Variants in RAB38 observed in about 807,000 individuals in gnomAD.
RAB38 encodes the protein RAB38, member RAS oncogene family.
In RAB38, 15 loss-of-function variants were observed where a neutral mutation model predicts 18.4. That is an observed-to-expected ratio of 0.82 (90% CI 0.55 to 1.26). RAB38 has a LOEUF of 1.26. Among genes scored for constraint, RAB38 ranks in the 50% most tolerant of loss-of-function variants. RAB38 has a pLI of 0.00. For missense variants in RAB38, 294 were observed against 267.4 expected (o/e 1.10, Z -0.69); for synonymous variants, 101 against 104.4 (o/e 0.97, Z 0.20).
chr11:88,140,536 G>A (rs566831608), intron 2 of RAB38, among the ~76,000 whole-genome samples: 2 of 152,276 alleles, frequency 1.3e-5, no homozygotes, highest in Non-Finnish European at 2.9e-5. Context: ...TGCAGTGCAG[G>A]GACCAGCCCC....
At chr11:88,147,451 C>A (rs72960964) in intron 2 of RAB38, among the ~76,000 whole-genome samples, 8,046 of 151,894 alleles carry the variant, frequency 0.053, 295 homozygotes, top group East Asian at 0.18. Context: ...GGCTTCTGAG[C>A]TGAGAGTGAC....
chr11:88,100,764 A>C, the RAB38 span, among the ~76,000 whole-genome samples: 2 of 152,008 alleles, frequency 1.3e-5, no homozygotes, highest in African/African-American at 4.8e-5. Flanking sequence ...ACTGCAAGAC[A>C]CAAAGACTTG....
At chr11:87,968,773 A>G in the RAB38 span, among the ~76,000 whole-genome samples, 6 of 152,126 alleles carry the variant, frequency 3.9e-5, no homozygotes, top group African/African-American at 1.4e-4. Flanking sequence ...AAGAGTTGAT[A>G]TTTTGAGCAG....
chr11:87,861,904 A>G, the RAB38 span, among the ~76,000 whole-genome samples: 1 of 151,936 alleles, frequency 6.6e-6, no homozygotes, highest in African/African-American at 2.4e-5. Context: ...CCCTCATCAT[A>G]TGAAAACAAG....
At chr11:88,016,921 G>T in the RAB38 span, among the ~76,000 whole-genome samples, 4 of 152,118 alleles carry the variant, frequency 2.6e-5, no homozygotes, top group Admixed American at 2.0e-4. Flanking sequence ...TGCCTTCAAA[G>T]AACCCACAGC....
the RAB38 span, among the ~76,000 whole-genome samples, chr11:88,095,882 G>A: frequency 6.6e-6 from 1 of 151,780 alleles, no homozygotes; most frequent in Non-Finnish European, 1.5e-5. Flanking sequence ...AATCTATCAG[G>A]AAATCGCTTT....
the RAB38 span, among the ~76,000 whole-genome samples, chr11:88,048,500 G>A: frequency 6.6e-6 from 1 of 151,996 alleles, no homozygotes; most frequent in Non-Finnish European, 1.5e-5. Flanking sequence ...ACTTAAAAAG[G>A]ACTGGACAGT....
the RAB38 span, among the ~76,000 whole-genome samples, chr11:87,831,215 T>G: frequency 7.2e-5 from 11 of 152,302 alleles, no homozygotes; most frequent in Non-Finnish European, 1.2e-4. Context: ...TGCTTAATTT[T>G]TTAGATGGCT....
chr11:88,134,366 G>C (rs1335212113), intron 2 of RAB38, among the ~76,000 whole-genome samples: 1 of 152,092 alleles, frequency 6.6e-6, no homozygotes, highest in Non-Finnish European at 1.5e-5. Flanking sequence ...TCAGCCTCCT[G>C]AGTAGCGGGG....
chr11:88,132,156 A>C (rs1942773777), intron 2 of RAB38, among the ~76,000 whole-genome samples: 1 of 152,220 alleles, frequency 6.6e-6, no homozygotes, highest in South Asian at 2.1e-4. Context: ...TGACCCATGG[A>C]AACTGTGAAA....
rs1330214731 is a variant in RAB38, at chr11:88,116,244, C to G, written c.484-2104G>C. On this transcript the variant is annotated intron_variant, in intron 2 of 2. Transcript: ENST00000243662. ...ACTGAGTGGAAGCCTGTCCGATGGT[C>G]CCCTACTGTGTCCCATTCAGGAAGG... Among the ~76,000 whole-genome samples the G allele has an allele frequency of 3.9e-5, 6 of 152,178 alleles. No individual in the cohort carries two copies. The East Asian group carries it at 5.8e-4, about 15-fold the overall frequency.
the RAB38 span, among the ~76,000 whole-genome samples, chr11:87,894,776 C>T: frequency 1.3e-5 from 2 of 149,516 alleles, no homozygotes; most frequent in Non-Finnish European, 3.0e-5. Flanking sequence ...TATATATGTA[C>T]ACATTATATA....
chr11:87,870,053 C>T, the RAB38 span, among the ~76,000 whole-genome samples: 1 of 151,452 alleles, frequency 6.6e-6, no homozygotes, highest in Non-Finnish European at 1.5e-5. Context: ...CTTAATATTA[C>T]CTGTAGAATA....
In RAB38 at chr11:88,140,858, G is replaced by T. The variant is rs147452279; in HGVS notation, c.483+8817C>A. On this transcript the variant is annotated intron_variant, in intron 2 of 2. Transcript: ENST00000243662. ...TATATGGTGTCCAGCTTGAGTGTCTGTATGGATGTAGGGTCTCCAAATTGG... is the reference window on the plus strand; with the variant it reads ...TATATGGTGTCCAGCTTGAGTGTCTTTATGGATGTAGGGTCTCCAAATTGG... 6.6e-5 allele frequency among the ~76,000 whole-genome samples: 10 copies of T among 152,314 alleles called. No individual in the cohort carries two copies. In the East Asian group the frequency reaches 1.7e-3, roughly 26 times the overall value.
the RAB38 span, chr11:88,061,734 C>T: frequency 6.6e-5 from 10 of 152,168 alleles, no homozygotes; most frequent in South Asian, 1.9e-3. Context: ...CTGATTTCCT[C>T]TTGTGATCAA....
the RAB38 span, among the ~76,000 whole-genome samples, chr11:87,964,204 G>A: frequency 6.6e-6 from 1 of 152,092 alleles, no homozygotes; most frequent in Non-Finnish European, 1.5e-5. Flanking sequence ...TTACTGACCT[G>A]GGCCAGCCTT....
At chr11:87,957,761 A>C in the RAB38 span, among the ~76,000 whole-genome samples, 380 of 152,044 alleles carry the variant, frequency 2.5e-3, 7 homozygotes, top group East Asian at 0.045. Flanking sequence ...TGGGGAGAAA[A>C]ATTCTTGACA....
chr11:87,821,745 G>A, the RAB38 span, among the ~76,000 whole-genome samples: 13 of 151,894 alleles, frequency 8.6e-5, no homozygotes, highest in Admixed American at 7.9e-4. Context: ...CAGCTACTTG[G>A]GAGACTAAGG....
At chr11:88,150,970 A>C (rs1222172478) in intron 1 of RAB38, among the ~76,000 whole-genome samples, 1 of 152,172 alleles carries the variant, frequency 6.6e-6, no homozygotes, top group Admixed American at 6.5e-5. Context: ...TCTACCCTTA[A>C]ATACTCTACA....
Sources: gnomAD v4.1 joint callset for allele counts (sites outside exome capture counted in the v4.1 genomes callset) on GRCh38, gnomAD v4.1.1 for gene constraint, MANE v1.5 for transcripts, NCBI Gene and HGNC (gene_info 2026-07-23, HGNC 2026-07-21) for gene names.